The following GDPD5 variants were observed in gnomAD, a reference collection of about 807,000 sequenced individuals.
GDPD5 encodes glycerophosphodiester phosphodiesterase 2.
In GDPD5, 48 loss-of-function variants were observed where a neutral mutation model predicts 75.1. The observed-to-expected ratio is 0.64, with a 90% CI of 0.51 to 0.81. The LOEUF is 0.81. GDPD5 is among the 40% of genes least tolerant of loss of function. The pLI, the probability that GDPD5 is intolerant of heterozygous loss-of-function variation, is 0.00. For synonymous variants in GDPD5, 336 were observed against 339.0 expected (o/e 0.99, Z 0.10); for missense variants, 706 against 822.6 (o/e 0.86, Z 1.73).
chr11:75,519,285 A>T (rs1251301376), intron 1 of GDPD5, among the ~76,000 whole-genome samples: 1 of 152,110 alleles, frequency 6.6e-6, no homozygotes, highest in Non-Finnish European at 1.5e-5. Context: ...AGTCAGCAAC[A>T]TGGGCACCAC....
chr11:75,435,842 G>A (rs921890306), intron 16 of GDPD5, among the ~76,000 whole-genome samples, 187 bp from the exon 17 acceptor site: 1 of 152,146 alleles, frequency 6.6e-6, no homozygotes, highest in Non-Finnish European at 1.5e-5. Flanking sequence ...CTCTAGCTTC[G>A]CCTTCATCTG....
chr11:75,519,352 C>T (rs1332911897), intron 1 of GDPD5, among the ~76,000 whole-genome samples: 1 of 152,210 alleles, frequency 6.6e-6, no homozygotes, highest in Non-Finnish European at 1.5e-5. Flanking sequence ...ACCCCAGGCC[C>T]CTGGCCTTCC....
chr11:75,458,702 T>TAAATAAATAAATAAATA (rs1565193426), intron 4 of GDPD5, among the ~76,000 whole-genome samples: 1 of 150,850 alleles, frequency 6.6e-6, no homozygotes, highest in South Asian at 2.1e-4. Context: ...ATAAATAAAA[T>TAAATAAATAAATAAATA]AAATAAATAA....
intron 4 of GDPD5, 130 bp downstream of exon 4, chr11:75,462,656 C>T (rs898885808): frequency 5.3e-5 from 37 of 692,044 alleles, no homozygotes; most frequent in Admixed American, 2.2e-4. Flanking sequence ...TGCCCAGGGC[C>T]ACACAGAGAG....
At chr11:75,491,106 G>A (rs972124252) in intron 1 of GDPD5, among the ~76,000 whole-genome samples, 2 of 152,100 alleles carry the variant, frequency 1.3e-5, no homozygotes, top group Non-Finnish European at 2.9e-5. Flanking sequence ...CAACCCAACT[G>A]GATTCTAGAG....
intron 1 of GDPD5, among the ~76,000 whole-genome samples, chr11:75,501,428 G>A (rs755738169): frequency 1.3e-5 from 2 of 152,246 alleles, no homozygotes; most frequent in Non-Finnish European, 2.9e-5. Context: ...GCACACTGGC[G>A]CAAGCATACA....
At chr11:75,506,448 C>T (rs903191719) in intron 1 of GDPD5, among the ~76,000 whole-genome samples, 3 of 152,182 alleles carry the variant, frequency 2.0e-5, no homozygotes, top group African/African-American at 7.2e-5. Flanking sequence ...TAATAAGCTC[C>T]CTAGGGCCTG....
intron 1 of GDPD5, among the ~76,000 whole-genome samples, chr11:75,520,143 C>G (rs1950726385): frequency 6.6e-6 from 1 of 152,230 alleles, no homozygotes; most frequent in South Asian, 2.1e-4. Context: ...AGCTAAGTCC[C>G]CCTAAGGGAA....
chr11:75,481,738 G>A (rs1949924202), intron 2 of GDPD5, among the ~76,000 whole-genome samples: 1 of 152,104 alleles, frequency 6.6e-6, no homozygotes, highest in Admixed American at 6.5e-5. Flanking sequence ...TCCCTAGACA[G>A]GGTTCTCTAC....
At chr11:75,493,589 C>A (rs1416620283) in intron 1 of GDPD5, among the ~76,000 whole-genome samples, 1 of 151,856 alleles carries the variant, frequency 6.6e-6, no homozygotes, top group Non-Finnish European at 1.5e-5. Flanking sequence ...ACTTGAAGAA[C>A]AAAAGGTGAT....
At chr11:75,475,523 AC>A (rs1219075921) in intron 3 of GDPD5, among the ~76,000 whole-genome samples, 3 of 151,976 alleles carry the variant, frequency 2.0e-5, no homozygotes, top group Non-Finnish European at 4.4e-5. Context: ...CGCTGCCCTC[AC>A]CCAGCTGCCT....
chr11:75,502,320 T>C lies in GDPD5; in HGVS notation c.-144-12000A>G, dbSNP rs541197135. Among the ~76,000 whole-genome samples, 6 of 152,344 alleles carry C rather than the reference T, an allele frequency of 3.9e-5. No homozygotes were observed. The South Asian group carries it at 1.0e-3, about 26-fold the overall frequency. Reference sequence around the variant, plus strand: ...CTTGCCTCAGTTTGGTGAACTCCTATAGATCCCTCAATACCCAAATGGGAA... The same window carrying C: ...CTTGCCTCAGTTTGGTGAACTCCTACAGATCCCTCAATACCCAAATGGGAA... On this transcript the variant is annotated intron_variant, in intron 1 of 16. Coordinates refer to ENST00000336898, the MANE Select transcript of GDPD5 (RefSeq NM_030792.8).
At chr11:75,497,377 G>A (rs567812714) in intron 1 of GDPD5, among the ~76,000 whole-genome samples, 2 of 152,292 alleles carry the variant, frequency 1.3e-5, no homozygotes, top group African/African-American at 4.8e-5. Context: ...CCCCAGCCTG[G>A]CACAGTGCTG....
chr11:75,446,096 C>T (rs769443287), intron 9 of GDPD5, among the ~76,000 whole-genome samples: 1 of 152,216 alleles, frequency 6.6e-6, no homozygotes, highest in Non-Finnish European at 1.5e-5. Context: ...CTCTGAATAT[C>T]CTGCGGCCAG....
chr11:75,474,295 C>G (rs146065677), intron 3 of GDPD5, among the ~76,000 whole-genome samples: 7 of 152,360 alleles, frequency 4.6e-5, no homozygotes, highest in African/African-American at 1.7e-4. Flanking sequence ...CTATATCCCT[C>G]TCTATAGAGA....
intron 2 of GDPD5, among the ~76,000 whole-genome samples, chr11:75,481,881 T>C (rs904128106): frequency 6.6e-6 from 1 of 152,126 alleles, no homozygotes; most frequent in Non-Finnish European, 1.5e-5. Context: ...GGCTCTTCCC[T>C]GAGCCTTGGT....
At chr11:75,457,340 G>A (rs892969436) in intron 5 of GDPD5, among the ~76,000 whole-genome samples, 7 of 152,156 alleles carry the variant, frequency 4.6e-5, no homozygotes, top group African/African-American at 1.2e-4. Context: ...CTAGAGAGAC[G>A]GGCAAAAGCA....
At chr11:75,520,733 C>T (rs1048798218) in intron 1 of GDPD5, among the ~76,000 whole-genome samples, 3 of 152,244 alleles carry the variant, frequency 2.0e-5, no homozygotes, top group African/African-American at 7.2e-5. Flanking sequence ...CCTTGGCCTA[C>T]AAAGCTCTGG....
intron 4 of GDPD5, 29 bp from the exon 5 acceptor site, chr11:75,457,815 G>T (rs1477893326): frequency 1.3e-6 from 2 of 1,563,682 alleles, no homozygotes; most frequent in South Asian, 2.2e-5. Context: ...GCAGGGGTCA[G>T]ACCTCCACCA....
Sources: gnomAD v4.1 joint callset for allele counts (sites outside exome capture counted in the v4.1 genomes callset) on GRCh38, gnomAD v4.1.1 for gene constraint, MANE v1.5 for transcripts, NCBI Gene and HGNC (gene_info 2026-07-23, HGNC 2026-07-21) for gene names.